SLC25A45: variants seen among roughly 807,000 people sequenced by gnomAD.
The protein encoded by SLC25A45 is solute carrier family 25 member 45.
SLC25A45 carries 22 observed loss-of-function variants against 23.0 expected under a neutral mutation model. The observed-to-expected ratio is 0.95, with a 90% CI of 0.68 to 1.36. SLC25A45 has a LOEUF of 1.36. Ranked by LOEUF, SLC25A45 falls within the 40% of genes most tolerant of loss-of-function variation. SLC25A45 has a pLI of 0.00. For synonymous variants in SLC25A45, 136 were observed against 155.0 expected (o/e 0.88, Z 0.91); for missense variants, 355 against 383.5 (o/e 0.93, Z 0.62).
In SLC25A45 at chr11:65,376,294, T is replaced by G; in HGVS notation, c.*113A>C. ...CTGCGCGGGTGGGAGGCACCTTGGT[T>G]AGGAAGGGCTGAGCCTCTTGCACTG... On this transcript the variant is annotated 3_prime_UTR_variant, in exon 7 of 7. Coordinates refer to ENST00000398802, the MANE Select transcript of SLC25A45 (RefSeq NM_182556.4). The G allele has an allele frequency of 7.4e-7, 1 of 1,352,762 alleles. No homozygotes were observed. Among genetic ancestry groups the G allele is most frequent in the Non-Finnish European group, 1.0e-6 (1 of 990,132 alleles). The allele number at this position is 1,352,762 out of a possible 1,614,324, so 83.8% of individuals were successfully genotyped here.
At chr11:65,380,346 C>G in intron 2 of SLC25A45, 171 bp from the exon 3 acceptor site, 1 of 1,014,504 alleles carries the variant, frequency 9.9e-7, no homozygotes, top group Non-Finnish European at 1.4e-6. Context: ...CCCCTGCCAC[C>G]CCCTCCACAC....
Position 65,375,380 on chromosome 11 carries a change from G to A in SLC25A45, c.*1027C>T, listed in dbSNP as rs1363267384. On this transcript the variant is annotated 3_prime_UTR_variant, in exon 7 of 7. Coordinates refer to ENST00000398802, the MANE Select transcript of SLC25A45 (RefSeq NM_182556.4). ...GGCATGTGTGTGGGTAGGGTGTCTG[G>A]GAACCCCAAAGTCAGCCTCAGGTGG... is the stretch of plus-strand genomic sequence containing the variant. 6.6e-6 allele frequency: 1 copy of A among 152,364 alleles called. No individual in the cohort carries two copies. Among genetic ancestry groups the A allele is most frequent in the Non-Finnish European group, 1.5e-5 (1 of 68,150 alleles). 9.4% of individuals were successfully genotyped at this position (152,364 alleles called of 1,614,324 possible).
At position 65,377,080 on chromosome 11, in the gene SLC25A45, T is replaced by C; in HGVS notation, c.340-4A>G. 3 of 1,611,514 alleles carry C rather than the reference T, an allele frequency of 1.9e-6. No homozygotes were observed. The highest frequency in any genetic ancestry group is 2.5e-6 in the Non-Finnish European group (3 of 1,178,564). On this transcript the variant is annotated splice_region_variant and splice_polypyrimidine_tract_variant and intron_variant, in intron 5 of 6. Coordinates refer to ENST00000398802, the MANE Select transcript of SLC25A45 (RefSeq NM_182556.4). Reference sequence around the variant, plus strand: ...CAAAAGGAGCCAGACAGTAGGCCTGTTGGTGATGAAACATGAGGGCCCCGG... The same window carrying C: ...CAAAAGGAGCCAGACAGTAGGCCTGCTGGTGATGAAACATGAGGGCCCCGG...
intron 3 of SLC25A45, 24 bp downstream of exon 3, chr11:65,380,108 C>T (rs1156818332): frequency 4.3e-6 from 7 of 1,609,692 alleles, no homozygotes; most frequent in Non-Finnish European, 6.0e-6. Flanking sequence ...TCTTTCATTC[C>T]TCTGGCAGCT....
intron 5 of SLC25A45, chr11:65,377,535 G>C (rs568347494): frequency 5.9e-6 from 3 of 507,016 alleles, no homozygotes; most frequent in Non-Finnish European, 7.7e-6. Flanking sequence ...GTTCTCCTGC[G>C]CCCACCTCTC....
At position 65,379,391 on chromosome 11, in the gene SLC25A45, G is replaced by A. The variant is rs778369470; in HGVS notation, c.324C>T (p.Thr108=). 9.3e-6 allele frequency: 15 copies of A among 1,610,346 alleles called. No homozygotes were observed. The highest frequency in any genetic ancestry group is 1.3e-5 in the African/African-American group (1 of 74,916). ...GCCCCCTCACCTGCAGGAACCCCCCGGTGCAGCCCGCTAGGAAGATGTGCA... is the reference window on the plus strand; with the variant it reads ...GCCCCCTCACCTGCAGGAACCCCCCAGTGCAGCCCGCTAGGAAGATGTGCA... ...SYMHIFLAGC[T]GGFLQAYCLA... is the part of the protein sequence containing the mutation. Residue 108 remains threonine, a synonymous_variant, in exon 5 of 7, where the codon ACC becomes ACT. Transcript: ENST00000398802.
intron 2 of SLC25A45, 56 bp downstream of exon 2, chr11:65,381,859 C>A: frequency 6.2e-7 from 1 of 1,611,050 alleles, no homozygotes; most frequent in Non-Finnish European, 8.5e-7. Flanking sequence ...CCCATCTTCC[C>A]GAGGAAGTGA....
chr11:65,375,425 G>T lies in SLC25A45; in HGVS notation c.*982C>A, dbSNP rs945093194. On this transcript the variant is annotated 3_prime_UTR_variant, in exon 7 of 7. Transcript: ENST00000398802. Reference sequence around the variant, plus strand: ...AGGTGGGGAGGTAAGTCAAGGAAGGGTGAGGGGACTGGGCTCAGCCTGGGT... The same window carrying T: ...AGGTGGGGAGGTAAGTCAAGGAAGGTTGAGGGGACTGGGCTCAGCCTGGGT... The T allele has an allele frequency of 6.6e-6, 1 of 152,594 alleles. No homozygotes were observed. Among genetic ancestry groups the T allele is most frequent in the Admixed American group, 6.5e-5 (1 of 15,290 alleles). The allele number at this position is 152,594 out of a possible 1,614,324, so 9.5% of individuals were successfully genotyped here.
At position 65,381,947 on chromosome 11, in the gene SLC25A45, G is replaced by T. The variant is rs373554602; in HGVS notation, c.5C>A (p.Pro2Gln). Reference protein sequence around the residue: MPVEEFVAGWIS... With the variant: MQVEEFVAGWIS... ...CCAGCCAGCCACAAATTCCTCCACC[G>T]GCATTGTCTGGGCTTGCGGGAACTG... Residue 2 changes from proline (P) to glutamine (Q), a missense_variant, in exon 2 of 7, where the codon CCG becomes CAG. Coordinates refer to ENST00000398802, the MANE Select transcript of SLC25A45 (RefSeq NM_182556.4). 2.5e-6 allele frequency: 4 copies of T among 1,614,052 alleles called. No homozygotes were observed. In the South Asian group the frequency reaches 4.4e-5, roughly 18 times the overall value.
At position 65,379,473 on chromosome 11, in the gene SLC25A45, A is replaced by G. The variant is rs1303735652; in HGVS notation, c.242T>C (p.Leu81Pro). The G allele has an allele frequency of 6.2e-7, 1 of 1,613,990 alleles. No homozygotes were observed. Among genetic ancestry groups the G allele is most frequent in the Non-Finnish European group, 8.5e-7 (1 of 1,179,990 alleles). The stretch of plus-strand genomic sequence containing the variant: ...GTGGGAGGTGGCCGTGAGCACCAGC[A>G]GGGTGTTGCTATAGACCCCAAACAG... The part of the protein sequence containing the change: ...SVLFGVYSNT[L>P]LVLTATSHQE... Residue 81 changes from leucine (L) to proline (P), a missense_variant, in exon 5 of 7, where the codon CTG becomes CCG. Physicochemically the swap from Leu to Pro is moderately conservative, Grantham distance 98. Coordinates refer to ENST00000398802, the MANE Select transcript of SLC25A45 (RefSeq NM_182556.4).
rs1445220102 is a variant in SLC25A45, at chr11:65,376,484, T to C, written c.790A>G (p.Ile264Val). ...GLGVFFRGVT[I>V]NSARAFPVNA... ...ACGGGAAAGGCGCGGGCACTGTTGA[T>C]GGTGACCCCCCGGAAGAAGACTCCC... The change falls in exon 7 of 7, where the codon ATC (isoleucine) becomes GTC (valine). Residue 264 changes from isoleucine to valine, a missense_variant. Physicochemically the swap from Ile to Val is conservative, Grantham distance 29 (BLOSUM62 3). Transcript: ENST00000398802. 6.2e-7 allele frequency: 1 copy of C among 1,614,188 alleles called. No individual in the cohort carries two copies. The highest frequency in any genetic ancestry group is 1.7e-5 in the Admixed American group (1 of 60,028).
upstream of SLC25A45, chr11:65,383,602 A>G (rs1388987377): frequency 6.6e-6 from 1 of 152,130 alleles, no homozygotes; most frequent in African/African-American, 2.4e-5. Flanking sequence ...TACCAAAAAT[A>G]CAAAAATTAG....
At chr11:65,377,286 C>T (rs1855266958) in intron 5 of SLC25A45, 4 of 1,407,860 alleles carry the variant, frequency 2.8e-6, no homozygotes, top group Non-Finnish European at 3.7e-6. Context: ...TGGCATCAGG[C>T]CCAAGAGTGA....
At position 65,376,221 on chromosome 11, in the gene SLC25A45, A is replaced by G; in HGVS notation, c.*186T>C. 1 of 660,246 alleles carries G rather than the reference A, an allele frequency of 1.5e-6. No individual in the cohort carries two copies. The highest frequency in any genetic ancestry group is 2.5e-6 in the Non-Finnish European group (1 of 395,818). The allele number at this position is 660,246 out of a possible 1,614,324, so 40.9% of individuals were successfully genotyped here. A position where few individuals can be genotyped will look rare whatever the true frequency, so the allele number is the denominator to read the frequency against. On this transcript the variant is annotated 3_prime_UTR_variant, in exon 7 of 7. Transcript: ENST00000398802. ...AAGGCCAGCTACACAGGGAGGCTGC[A>G]CAGGCCCCCTGGCTTCCGGCTCCCA...
intron 2 of SLC25A45, chr11:65,381,294 C>A (rs1565584583): frequency 1.3e-5 from 2 of 153,688 alleles, no homozygotes; most frequent in Non-Finnish European, 2.9e-5. Flanking sequence ...CCGCGCCTGG[C>A]TAATTTTTGT....
At chr11:65,379,765 C>G in intron 4 of SLC25A45, 102 bp downstream of exon 4, 1 of 1,487,514 alleles carries the variant, frequency 6.7e-7, no homozygotes, top group Non-Finnish European at 9.3e-7. Context: ...ACTTGGTCTT[C>G]TCTCCTCCAG....
In SLC25A45 at chr11:65,382,323, A is replaced by G. The variant is rs1315380479; in HGVS notation, c.-19+163T>C. 1 of 294,256 alleles carries G rather than the reference A, an allele frequency of 3.4e-6. No homozygotes were observed. Among genetic ancestry groups the G allele is most frequent in the Admixed American group, 4.2e-5 (1 of 23,630 alleles). 18.2% of individuals were successfully genotyped at this position (294,256 alleles called of 1,614,324 possible). ...GAGGCAAGCCCCTGCCTGCCCAGCC[A>G]GCCCAGCTCCACTCCCATTCATCTC... On this transcript the variant is annotated intron_variant, in intron 1 of 6. Transcript: ENST00000398802. The surrounding 1 kb of genome is among the most constrained non-coding windows in gnomAD (Gnocchi z 4.4).
chr11:65,378,188 C>T (rs1272845287), intron 5 of SLC25A45: 1 of 152,130 alleles, frequency 6.6e-6, no homozygotes, highest in Non-Finnish European at 1.5e-5. Flanking sequence ...GCTAGGCTGA[C>T]ACCAGGTGAC....
At position 65,376,366 on chromosome 11, in the gene SLC25A45, G is replaced by A. The variant is rs536347201; in HGVS notation, c.*41C>T. 1 of 1,600,334 alleles carries A rather than the reference G, an allele frequency of 6.2e-7. No homozygotes were observed. Among genetic ancestry groups the A allele is most frequent in the Non-Finnish European group, 8.5e-7 (1 of 1,169,894 alleles). On this transcript the variant is annotated 3_prime_UTR_variant, in exon 7 of 7. Coordinates refer to ENST00000398802, the MANE Select transcript of SLC25A45 (RefSeq NM_182556.4). Reference sequence around the variant, plus strand: ...CCTCCAATCTCAAACTGGCCTCCAGGCCGTGGGCCTGATGGGGAGCTGCTG... The same window carrying A: ...CCTCCAATCTCAAACTGGCCTCCAGACCGTGGGCCTGATGGGGAGCTGCTG...
Sources: allele counts gnomAD v4.1 joint callset, GRCh38; gene constraint gnomAD v4.1.1; non-coding constraint Gnocchi (gnomAD v3.1); transcripts MANE v1.5; gene names NCBI Gene and HGNC (gene_info 2026-07-23, HGNC 2026-07-21).